RGL1: variants seen among roughly 807,000 people sequenced by gnomAD.
The protein encoded by RGL1 is ral guanine nucleotide dissociation stimulator like 1.
Under a neutral mutation model 95.2 loss-of-function variants are expected in RGL1, and 24 were observed. That is an observed-to-expected ratio of 0.25 (90% confidence interval 0.18 to 0.35). RGL1 has a LOEUF of 0.35. RGL1 is among the 10% of genes least tolerant of loss of function. The pLI is 1.00. For missense variants in RGL1, 715 were observed against 936.3 expected, an observed-to-expected ratio of 0.76 and a Z score of 3.08; for synonymous variants, 329 against 344.9, an observed-to-expected ratio of 0.95 and a Z score of 0.51.
intron 1 of RGL1, among the ~76,000 whole-genome samples, chr1:183,716,998 G>A (rs1171908787): frequency 1.3e-5 from 2 of 152,156 alleles, no homozygotes; most frequent in African/African-American, 2.4e-5. Context: ...TATTCACTGG[G>A]CATAGTAAGC....
chr1:183,666,240 G>A (rs991181287), intron 1 of RGL1, among the ~76,000 whole-genome samples: 2 of 151,882 alleles, frequency 1.3e-5, no homozygotes, highest in African/African-American at 2.4e-5. Flanking sequence ...CCCGACCTCC[G>A]GTGATCCACC....
intron 1 of RGL1, among the ~76,000 whole-genome samples, chr1:183,642,411 C>T (rs1053087404): frequency 6.6e-6 from 1 of 152,110 alleles, no homozygotes; most frequent in Non-Finnish European, 1.5e-5. Context: ...ATGTGGGAAC[C>T]GAGTATGTCA....
intron 1 of RGL1, among the ~76,000 whole-genome samples, chr1:183,668,001 A>ATGTG (rs1470361484): frequency 5.3e-5 from 3 of 56,880 alleles, no homozygotes; most frequent in African/African-American, 8.6e-5. Context: ...ATGCTTATAT[A>ATGTG]TATGTGTGTG....
At chr1:183,660,240 C>T (rs1026199223) in intron 1 of RGL1, among the ~76,000 whole-genome samples, 10 of 152,200 alleles carry the variant, frequency 6.6e-5, no homozygotes, top group Non-Finnish European at 1.3e-4. Flanking sequence ...ACTAAATGCT[C>T]CAATTAAAAG....
intron 1 of RGL1, 130 bp downstream of exon 1, chr1:183,805,454 C>G: frequency 1.3e-6 from 1 of 798,460 alleles, no homozygotes; most frequent in Non-Finnish European, 2.1e-6. Flanking sequence ...AGCTAAAGCT[C>G]TCTCACTCCG....
intron 3 of RGL1, among the ~76,000 whole-genome samples, chr1:183,863,704 T>C (rs1665656603): frequency 6.6e-6 from 1 of 152,188 alleles, no homozygotes; most frequent in South Asian, 2.1e-4. Flanking sequence ...AAGGATTTCC[T>C]GATGGGTTGG....
intron 2 of RGL1, among the ~76,000 whole-genome samples, chr1:183,797,364 A>G (rs1660752759): frequency 1.3e-5 from 2 of 152,200 alleles, no homozygotes; most frequent in African/African-American, 2.4e-5. Context: ...GTAAACTATT[A>G]GTTGAAAAAT....
At chr1:183,802,616 A>AAAC (rs1661059209), upstream of RGL1, among the ~76,000 whole-genome samples, 1 of 151,682 alleles carries the variant, frequency 6.6e-6, no homozygotes, top group Admixed American at 6.6e-5. Flanking sequence ...AAAAAAAAAA[A>AAAC]AAAAACCCTT....
At chr1:183,767,573 G>T (rs1001314355) in intron 2 of RGL1, among the ~76,000 whole-genome samples, 1 of 152,206 alleles carries the variant, frequency 6.6e-6, no homozygotes, top group African/African-American at 2.4e-5. Flanking sequence ...ATGCAGAATA[G>T]AAAATATAGT....
intron 2 of RGL1, among the ~76,000 whole-genome samples, chr1:183,812,909 G>T (rs1661821912): frequency 6.6e-6 from 1 of 152,200 alleles, no homozygotes; most frequent in Admixed American, 6.5e-5. Flanking sequence ...TGGAGAGAAA[G>T]GCATGAGTCA....
At chr1:183,924,833 G>A (rs1669524335) in intron 17 of RGL1, among the ~76,000 whole-genome samples, 1 of 151,222 alleles carries the variant, frequency 6.6e-6, no homozygotes, top group Admixed American at 6.6e-5. Flanking sequence ...GGGGGTGGTG[G>A]CACACGCCTG....
At chr1:183,794,809 C>G (rs1388570645) in intron 2 of RGL1, among the ~76,000 whole-genome samples, 1 of 152,120 alleles carries the variant, frequency 6.6e-6, no homozygotes, top group Non-Finnish European at 1.5e-5. Flanking sequence ...CTGAAATTAC[C>G]TGGTCCTTTA....
At chr1:183,811,282 C>A (rs1661695309) in intron 2 of RGL1, among the ~76,000 whole-genome samples, 1 of 152,062 alleles carries the variant, frequency 6.6e-6, no homozygotes, top group African/African-American at 2.4e-5. Flanking sequence ...TCTCTTGCTG[C>A]TGAATGTTGA....
intron 3 of RGL1, among the ~76,000 whole-genome samples, chr1:183,863,646 G>A (rs1665653770): frequency 6.6e-6 from 1 of 152,182 alleles, no homozygotes; most frequent in South Asian, 2.1e-4. Context: ...AGCAATGGAA[G>A]TGATGAGAAG....
At chr1:183,842,709 T>A (rs183382144) in intron 2 of RGL1, among the ~76,000 whole-genome samples, 48 of 152,364 alleles carry the variant, frequency 3.2e-4, no homozygotes, top group African/African-American at 1.2e-3. Flanking sequence ...GTTAGCGTGC[T>A]AACCCACAGG....
At chr1:183,867,610 G>A (rs35753073) in intron 4 of RGL1, among the ~76,000 whole-genome samples, 1 of 152,096 alleles carries the variant, frequency 6.6e-6, no homozygotes, top group Non-Finnish European at 1.5e-5. Context: ...TAGAGAAATG[G>A]ATGGAAGATG....
At chr1:183,660,397 A>C (rs577030599) in intron 1 of RGL1, among the ~76,000 whole-genome samples, 1 of 150,272 alleles carries the variant, frequency 6.7e-6, no homozygotes, top group African/African-American at 2.5e-5. Flanking sequence ...AAAAAGGCAG[A>C]GGTTGCAATC....
At position 183,916,469 on chromosome 1, in the gene RGL1, G is replaced by A. The variant is rs1338824937; in HGVS notation, c.1772G>A (p.Cys591Tyr). 6.2e-7 allele frequency: 1 copy of A among 1,613,910 alleles called. No homozygotes were observed. Among genetic ancestry groups the A allele is most frequent in the Admixed American group, 1.7e-5 (1 of 59,966 alleles). The stretch of plus-strand genomic sequence containing the variant: ...CAGCTCTCTGAGTCCTCCTCATCCT[G>A]TTCTTCTATCCATTCCATGGACACA... ...QKKLSESSSS[C>Y]SSIHSMDTNS... Residue 591 changes from cysteine (C) to tyrosine (Y), a missense_variant, in exon 16 of 18, where the codon TGT (cysteine) becomes TAT (tyrosine). Physicochemically the swap from Cys to Tyr is radical, Grantham distance 194. Transcript: ENST00000360851.
intron 1 of RGL1, among the ~76,000 whole-genome samples, chr1:183,691,775 C>G (rs1207935430): frequency 1.3e-5 from 2 of 152,074 alleles, no homozygotes; most frequent in Non-Finnish European, 1.5e-5. Context: ...ACACTGGAAA[C>G]TTGTGCATTT....
Sources: gnomAD v4.1 joint callset for allele counts (sites outside exome capture counted in the v4.1 genomes callset) on GRCh38, gnomAD v4.1.1 for gene constraint, MANE v1.5 for transcripts, NCBI Gene and HGNC (gene_info 2026-07-23, HGNC 2026-07-21) for gene names.